Variants in PDS5A observed in about 807,000 individuals in gnomAD.
PDS5A encodes the protein sister chromatid cohesion protein PDS5 homolog A.
Under a neutral mutation model 167.1 loss-of-function variants are expected in PDS5A, and 42 were observed. The ratio of observed to expected loss-of-function variants is 0.25; its 90% confidence interval spans 0.20 to 0.33. The LOEUF (loss-of-function observed/expected upper bound fraction) is 0.33. Ranked by LOEUF, PDS5A falls within the 10% of genes least tolerant of loss-of-function variation. The pLI is 1.00. For synonymous variants in PDS5A, 553 were observed against 554.6 expected (o/e 1.00, Z 0.04); for missense variants, 1,033 against 1,605.9 (o/e 0.64, Z 6.10).
chr4:39,976,253 AT>A (rs1731070464), intron 2 of PDS5A, 186 bp downstream of exon 2: 2 of 421,414 alleles, frequency 4.7e-6, no homozygotes, highest in Admixed American at 7.9e-5. Flanking sequence ...CTCCTTTTAA[AT>A]TTCCCACAAT....
In PDS5A at chr4:39,868,627, C is replaced by A. The variant is rs1383310720; in HGVS notation, c.2505+767G>T. ...TATAGGCGTGAGCCACCATGCCTAGCCCAACTAAATTATTTTTAATATTTT... is the reference window on the plus strand; with the variant it reads ...TATAGGCGTGAGCCACCATGCCTAGACCAACTAAATTATTTTTAATATTTT... On this transcript the variant is annotated intron_variant, in intron 22 of 32. Transcript: ENST00000303538. The A allele has an allele frequency of 1.8e-5, 8 of 453,324 alleles. No individual in the cohort carries two copies. The East Asian group carries it at 4.9e-4, about 28-fold the overall frequency. 28.1% of individuals were successfully genotyped at this position (453,324 alleles called of 1,614,324 possible).
rs766402931 is a variant in PDS5A at position 39,927,974 on chromosome 4, T to C, written c.329A>G (p.His110Arg). 6.2e-7 allele frequency: 1 copy of C among 1,612,094 alleles called. No homozygotes were observed. The highest frequency in any genetic ancestry group is 8.5e-7 in the Non-Finnish European group (1 of 1,178,172). The part of the protein sequence containing the change: ...IYAPEAPYTS[H>R]DKLKDIFLFI... ...GGCTGTATTTACCTTAAGTTTATCATGGGAAGTATATGGAGCTTCTGGGGC... is the reference window on the plus strand; with the variant it reads ...GGCTGTATTTACCTTAAGTTTATCACGGGAAGTATATGGAGCTTCTGGGGC... Residue 110 changes from histidine to arginine, a missense_variant, in exon 3 of 33, where the codon CAT becomes CGT. Transcript: ENST00000303538.
intron 28 of PDS5A, chr4:39,846,975 T>C (rs1717658068): frequency 2.0e-5 from 3 of 152,160 alleles, no homozygotes; most frequent in Admixed American, 6.5e-5. Flanking sequence ...AGATATAGTA[T>C]AGCTTCACTA....
At chr4:39,894,893 A>G (rs1212674268) in intron 16 of PDS5A, among the ~76,000 whole-genome samples, 1 of 152,068 alleles carries the variant, frequency 6.6e-6, no homozygotes, top group Non-Finnish European at 1.5e-5. Context: ...CCACACACAC[A>G]AAGAATTATC....
At chr4:39,964,780 GAA>G (rs947603939) in intron 2 of PDS5A, among the ~76,000 whole-genome samples, 1 of 151,850 alleles carries the variant, frequency 6.6e-6, no homozygotes, top group African/African-American at 2.4e-5. Context: ...CCAACATGGT[GAA>G]ACACATAAAA....
intron 30 of PDS5A, among the ~76,000 whole-genome samples, chr4:39,842,701 C>T (rs1216889226): frequency 6.6e-6 from 1 of 151,556 alleles, no homozygotes; most frequent in Non-Finnish European, 1.5e-5. Flanking sequence ...GATTTGATCA[C>T]TATACATGCT....
intron 2 of PDS5A, among the ~76,000 whole-genome samples, chr4:39,962,063 G>GTT (rs113091640): frequency 6.8e-4 from 99 of 146,156 alleles, no homozygotes; most frequent in Non-Finnish European, 7.7e-4. Context: ...CTGAGTTTTT[G>GTT]TTTTTTTTTT....
At chr4:39,883,548 T>C (rs1721147581) in intron 17 of PDS5A, among the ~76,000 whole-genome samples, 1 of 152,208 alleles carries the variant, frequency 6.6e-6, no homozygotes, top group Non-Finnish European at 1.5e-5. Flanking sequence ...CAGCAGAAGA[T>C]TCTTCTTCAA....
chr4:39,958,617 CTTTTCTT>C (rs1729188960), intron 2 of PDS5A, among the ~76,000 whole-genome samples: 1 of 125,906 alleles, frequency 7.9e-6, no homozygotes, highest in Non-Finnish European at 1.7e-5. Flanking sequence ...TTTTTTTTTT[CTTTTCTT>C]TTTTCTTTGA....
Position 39,877,982 on chromosome 4 carries a change from T to C in PDS5A, c.1993-829A>G, listed in dbSNP as rs28442155. The stretch of plus-strand genomic sequence containing the variant: ...TGAACTTTTAATTATGATTACAATA[T>C]ATAATTATTCCCTTATTATAACACC... On this transcript the variant is annotated intron_variant, in intron 18 of 32. Coordinates refer to ENST00000303538, the MANE Select transcript of PDS5A (RefSeq NM_001100399.2). Among the ~76,000 whole-genome samples, 1,485 of 152,326 alleles carry C rather than the reference T, an allele frequency of 9.7e-3. 30 individuals carry two copies. Among genetic ancestry groups the C allele is most frequent in the African/African-American group, 0.034 (1,396 of 41,562 alleles).
rs114916004 is a variant in PDS5A at position 39,872,798 on chromosome 4, T to C, written c.2436+188A>G. The C allele has an allele frequency of 2.1e-3, 781 of 372,138 alleles. 7 individuals are homozygous for C. The highest frequency in any genetic ancestry group is 0.015 in the African/African-American group (728 of 48,140). The allele number at this position is 372,138 out of a possible 1,614,324, so 23.1% of individuals were successfully genotyped here. A position where few individuals can be genotyped will look rare whatever the true frequency, so the allele number is the denominator to read the frequency against. On this transcript the variant is annotated intron_variant, in intron 21 of 32. Coordinates refer to ENST00000303538, the MANE Select transcript of PDS5A (RefSeq NM_001100399.2). ...TAATTTTTGTTTCTTAAGTGTGAAA[T>C]TCTAGTAGTAATAGCTACCATGAAA...
rs537810179 is a variant in PDS5A at position 39,857,300 on chromosome 4, C to T, written c.3086+4919G>A. Among the ~76,000 whole-genome samples the T allele has an allele frequency of 5.0e-3, 741 of 148,688 alleles. 1 individual carries two copies. The highest frequency in any genetic ancestry group is 8.3e-3 in the Non-Finnish European group (560 of 67,498). The stretch of plus-strand genomic sequence containing the variant: ...CCGGGAGGCGGAGCTTGCAGTGAGC[C>T]GAGATCGCGCCACTGCATTCCAGCC... On this transcript the variant is annotated intron_variant, in intron 26 of 32. Transcript: ENST00000303538.
intron 2 of PDS5A, among the ~76,000 whole-genome samples, chr4:39,949,052 A>G (rs1481194684): frequency 6.6e-6 from 1 of 151,986 alleles, no homozygotes; most frequent in African/African-American, 2.4e-5. Context: ...TAATCACAGT[A>G]CTTTGGGAGA....
At chr4:39,872,703 C>T (rs901286278) in intron 21 of PDS5A, 3 of 201,828 alleles carry the variant, frequency 1.5e-5, no homozygotes, top group African/African-American at 2.3e-5. Context: ...AAATGATAAA[C>T]TGTCTTTTGA....
intron 2 of PDS5A, among the ~76,000 whole-genome samples, chr4:39,960,130 C>T (rs1296256372): frequency 2.6e-5 from 4 of 151,682 alleles, no homozygotes; most frequent in South Asian, 2.1e-4. Context: ...AGTAGCTGGG[C>T]GTGGTGGCAC....
intron 26 of PDS5A, among the ~76,000 whole-genome samples, chr4:39,855,316 A>G (rs1718445595): frequency 6.6e-6 from 1 of 152,234 alleles, no homozygotes; most frequent in South Asian, 2.1e-4. Context: ...AGTAGTTTGG[A>G]AAAGTCAGAA....
chr4:39,925,483 G>GT (rs375492213), intron 5 of PDS5A, among the ~76,000 whole-genome samples: 7 of 152,216 alleles, frequency 4.6e-5, no homozygotes, highest in African/African-American at 7.2e-5. Flanking sequence ...TTGTATTAAC[G>GT]TAAGGTTTCA....
chr4:39,954,082 T>C (rs1253614260), intron 2 of PDS5A, among the ~76,000 whole-genome samples: 1 of 152,024 alleles, frequency 6.6e-6, no homozygotes. Flanking sequence ...GGCCCACGCC[T>C]GTAATCTCAG....
intron 4 of PDS5A, among the ~76,000 whole-genome samples, chr4:39,926,378 C>T (rs1349825901): frequency 6.6e-6 from 1 of 151,784 alleles, no homozygotes; most frequent in African/African-American, 2.4e-5. Context: ...ATTAGCCGTG[C>T]GTGGTGGTGT....
Sources: allele counts gnomAD v4.1 joint callset (sites outside exome capture counted in the v4.1 genomes callset), GRCh38; gene constraint gnomAD v4.1.1; transcripts MANE v1.5; gene names NCBI Gene and HGNC (gene_info 2026-07-23, HGNC 2026-07-21).